The following FAAH2 variants were observed in gnomAD, a reference collection of about 807,000 sequenced individuals.
FAAH2 encodes the protein fatty-acid amide hydrolase 2.
In FAAH2, 60 loss-of-function variants were observed where a neutral mutation model predicts 36.9. That is an observed-to-expected ratio of 1.63 (90% CI 1.32 to 2.02). The LOEUF (loss-of-function observed/expected upper bound fraction) is 2.02, where lower values mean the gene tolerates loss of function less well. FAAH2 is among the 30% of genes most tolerant of loss of function. The probability of loss-of-function intolerance (pLI) is 0.00; values close to 1 mark genes in which losing one functional copy is unlikely to be tolerated. For missense variants in FAAH2, 689 were observed against 397.5 expected, an observed-to-expected ratio of 1.73 and a Z score of -6.23; for synonymous variants, 214 against 143.8, an observed-to-expected ratio of 1.49 and a Z score of -3.49.
chrX:57,324,127 G>C (rs1323429027), intron 3 of FAAH2, among the ~76,000 whole-genome samples: 5 of 111,408 alleles, frequency 4.5e-5, no homozygotes, highest in Non-Finnish European at 9.4e-5. Flanking sequence ...TTTTTGTCAG[G>C]TTTGTCAAAG....
At chrX:57,379,758 G>A (rs2054790208) in intron 6 of FAAH2, among the ~76,000 whole-genome samples, 1 of 108,491 alleles carries the variant, frequency 9.2e-6, no homozygotes. Context: ...TCTCATAAAT[G>A]AATTCACTAC....
At chrX:57,385,673 G>A (rs778057151) in intron 7 of FAAH2, among the ~76,000 whole-genome samples, 129 of 111,987 alleles carry the variant, frequency 1.2e-3, no homozygotes, top group African/African-American at 3.9e-3. Flanking sequence ...TTTTGGAGGC[G>A]ATCTATTCAA....
intron 3 of FAAH2, among the ~76,000 whole-genome samples, chrX:57,314,593 T>A (rs759459310): frequency 9.0e-6 from 1 of 110,875 alleles, no homozygotes; most frequent in Non-Finnish European, 1.9e-5. Flanking sequence ...CACAAATACA[T>A]GGAAACTAAA....
At chrX:57,349,737 A>C (rs1473039948) in intron 5 of FAAH2, among the ~76,000 whole-genome samples, 1 of 109,379 alleles carries the variant, frequency 9.1e-6, no homozygotes, top group Non-Finnish European at 1.9e-5. Flanking sequence ...ATTAAAAAAA[A>C]CCAAGGCCTC....
At chrX:57,410,641 A>AT (rs894829299) in intron 7 of FAAH2, among the ~76,000 whole-genome samples, 7 of 110,776 alleles carry the variant, frequency 6.3e-5, no homozygotes, top group African/African-American at 2.3e-4. Flanking sequence ...TGTGGGCCTT[A>AT]TTTTTTACTT....
the FAAH2 span, among the ~76,000 whole-genome samples, chrX:57,167,530 C>A: frequency 3.6e-5 from 4 of 111,737 alleles, no homozygotes; most frequent in Non-Finnish European, 7.5e-5. Flanking sequence ...CTCAGTTAAC[C>A]ACTTCTTAAC....
chrX:57,385,977 A>T (rs1317354394), intron 7 of FAAH2, among the ~76,000 whole-genome samples: 3 of 111,418 alleles, frequency 2.7e-5, no homozygotes, highest in African/African-American at 9.8e-5. Flanking sequence ...TTATAAAATT[A>T]TACGTTATTT....
chrX:57,324,399 G>A (rs1025402301), intron 3 of FAAH2, among the ~76,000 whole-genome samples: 5 of 111,721 alleles, frequency 4.5e-5, no homozygotes, highest in Non-Finnish European at 7.5e-5. Context: ...AGCTTGATGC[G>A]GATGGCATTG....
intron 10 of FAAH2, among the ~76,000 whole-genome samples, chrX:57,460,122 G>A (rs1383065720): frequency 1.8e-5 from 2 of 111,309 alleles, no homozygotes. Context: ...AGAATGAAAA[G>A]GAATGAAAAA....
At chrX:57,455,965 C>G (rs1391070791) in intron 10 of FAAH2, among the ~76,000 whole-genome samples, 1 of 111,899 alleles carries the variant, frequency 8.9e-6, no homozygotes, top group East Asian at 2.8e-4. Flanking sequence ...CAATCAACCT[C>G]TACAGAGTAC....
the FAAH2 span, among the ~76,000 whole-genome samples, chrX:57,272,377 C>A: frequency 9.0e-6 from 1 of 111,017 alleles, no homozygotes; most frequent in African/African-American, 3.3e-5. Context: ...AAAGACAGGA[C>A]AACATTCAAA....
the FAAH2 span, among the ~76,000 whole-genome samples, chrX:57,257,038 A>G: frequency 8.9e-6 from 1 of 112,220 alleles, no homozygotes; most frequent in Non-Finnish European, 1.9e-5. Context: ...AAAAGTCAGA[A>G]AACAACAGAT....
At chrX:57,139,705 T>C in the FAAH2 span, among the ~76,000 whole-genome samples, 4 of 111,519 alleles carry the variant, frequency 3.6e-5, no homozygotes, top group Admixed American at 9.5e-5. Context: ...CCGCCCGCCT[T>C]GGCCTCCCAA....
chrX:57,385,760 T>C (rs2055004410), intron 7 of FAAH2, among the ~76,000 whole-genome samples: 1 of 110,728 alleles, frequency 9.0e-6, no homozygotes, highest in African/African-American at 3.3e-5. Flanking sequence ...TACAAAAAAT[T>C]AGCCGGGCGC....
intron 3 of FAAH2, among the ~76,000 whole-genome samples, chrX:57,327,487 T>TA (rs1358672110): frequency 9.1e-6 from 1 of 109,679 alleles, no homozygotes; most frequent in African/African-American, 3.3e-5. Flanking sequence ...CAATCAGACA[T>TA]AGATTTGGTG....
At chrX:57,422,127 G>T (rs1003085001) in intron 7 of FAAH2, among the ~76,000 whole-genome samples, 3 of 111,717 alleles carry the variant, frequency 2.7e-5, no homozygotes, top group Non-Finnish European at 5.6e-5. Context: ...AGATACCAGG[G>T]GATGTGTTAA....
At chrX:57,235,673 T>C in the FAAH2 span, among the ~76,000 whole-genome samples, 2 of 112,271 alleles carry the variant, frequency 1.8e-5, no homozygotes, top group African/African-American at 6.5e-5. Context: ...TCTTCCTTCT[T>C]AGTTTAACTT....
chrX:57,123,978 C>A, the FAAH2 span, among the ~76,000 whole-genome samples: 4 of 111,639 alleles, frequency 3.6e-5, no homozygotes, highest in Non-Finnish European at 5.7e-5. Flanking sequence ...ATGGTAGTTT[C>A]TTTTGCTGTG....
the FAAH2 span, among the ~76,000 whole-genome samples, chrX:57,264,421 A>G: frequency 0.45 from 50,712 of 111,925 alleles, 11,351 homozygotes; most frequent in African/African-American, 0.88. Flanking sequence ...GCCAACAAGC[A>G]TATTAAAAAA....
Sources: allele counts gnomAD v4.1 joint callset (sites outside exome capture counted in the v4.1 genomes callset), GRCh38; gene constraint gnomAD v4.1.1; transcripts MANE v1.5; gene names NCBI Gene and HGNC (gene_info 2026-07-23, HGNC 2026-07-21).